Variants in FAM184A observed in about 807,000 individuals in gnomAD.
FAM184A encodes the protein family with sequence similarity 184 member A, also known as protein FAM184A.
In FAM184A, 99 loss-of-function variants were observed where a neutral mutation model predicts 143.8. The observed-to-expected ratio is 0.69, with a 90% CI of 0.58 to 0.81. The LOEUF (loss-of-function observed/expected upper bound fraction) is 0.81. FAM184A is among the 40% of genes least tolerant of loss of function. The pLI is 0.00. For synonymous variants in FAM184A, 427 were observed against 446.4 expected (o/e 0.96, Z 0.55); for missense variants, 1,217 against 1,310.5 (o/e 0.93, Z 1.10).
At chr6:118,977,834 C>A (rs192588533) in intron 11 of FAM184A, among the ~76,000 whole-genome samples, 32 of 152,288 alleles carry the variant, frequency 2.1e-4, no homozygotes, top group African/African-American at 7.7e-4. Context: ...GATGTTACCA[C>A]TGGAGGAACT....
chr6:119,017,611 CG>C (rs1785306197), intron 4 of FAM184A, among the ~76,000 whole-genome samples: 1 of 151,996 alleles, frequency 6.6e-6, no homozygotes, highest in African/African-American at 2.4e-5. Context: ...ATGCCAATTA[CG>C]TACCTTTTGG....
intron 4 of FAM184A, 105 bp downstream of exon 4, chr6:119,019,873 T>C (rs926411177): frequency 1.2e-4 from 120 of 1,005,416 alleles, no homozygotes; most frequent in Non-Finnish European, 1.7e-4. Flanking sequence ...AAGTAGGAAA[T>C]GTATTGTTAC....
chr6:119,142,139 T>C (rs139204083), intron 1 of FAM184A, among the ~76,000 whole-genome samples: 1 of 152,310 alleles, frequency 6.6e-6, no homozygotes, highest in Non-Finnish European at 1.5e-5. Context: ...ATCTATTTTG[T>C]ATGCCCCAGC....
intron 9 of FAM184A, among the ~76,000 whole-genome samples, chr6:118,995,262 C>A (rs1170821532): frequency 6.6e-6 from 1 of 151,826 alleles, no homozygotes; most frequent in Non-Finnish European, 1.5e-5. Context: ...ACAAAAAATG[C>A]AAAAATTAAC....
intron 1 of FAM184A, among the ~76,000 whole-genome samples, chr6:119,125,402 A>T (rs1378572954): frequency 1.3e-5 from 2 of 152,132 alleles, no homozygotes; most frequent in Admixed American, 6.5e-5. Context: ...CAGCCTCCCG[A>T]GTAGCTGGGA....
rs1180497708 is a variant in FAM184A, at chr6:119,024,178, A to C, written c.795T>G (p.Thr265=). The part of the protein sequence containing the change: ...AQSFYERELD[T]LKRSQLFTAE... The stretch of plus-strand genomic sequence containing the variant: ...CTGTAAAAAGCTGTGACCTTTTCAA[A>C]GTATCAAGCTCACGTTCATAAAAGG... Residue 265 remains threonine (T), a synonymous_variant, in exon 2 of 18, where the codon ACT becomes ACG. Transcript: ENST00000338891. The C allele has an allele frequency of 1.2e-6, 2 of 1,614,224 alleles. No homozygotes were observed. Among genetic ancestry groups the C allele is most frequent in the Non-Finnish European group, 1.7e-6 (2 of 1,180,042 alleles).
intron 6 of FAM184A, among the ~76,000 whole-genome samples, chr6:119,009,214 T>C (rs1785018765): frequency 6.6e-6 from 1 of 152,164 alleles, no homozygotes; most frequent in African/African-American, 2.4e-5. Flanking sequence ...ATAAATATTA[T>C]TATAGTTGCT....
chr6:118,984,179 T>TATTTA (rs1562461117), intron 9 of FAM184A, among the ~76,000 whole-genome samples: 1 of 134,458 alleles, frequency 7.4e-6, no homozygotes, highest in African/African-American at 2.8e-5. Context: ...ATATATATAT[T>TATTTA]TATATATATA....
chr6:118,967,226 G>T (rs568970389), intron 14 of FAM184A, among the ~76,000 whole-genome samples: 1 of 152,258 alleles, frequency 6.6e-6, no homozygotes, highest in African/African-American at 2.4e-5. Context: ...TGGAGAAAAG[G>T]TGAGCAGTAT....
chr6:119,077,887 CTGGTTTAGCCCCAA>C (rs1787928795), intron 1 of FAM184A, among the ~76,000 whole-genome samples: 1 of 152,250 alleles, frequency 6.6e-6, no homozygotes, highest in Non-Finnish European at 1.5e-5. Context: ...TTGTTCTGTG[CTGGTTTAGCCCCAA>C]AGGGCAAGGA....
At chr6:119,006,215 G>A (rs756298225) in intron 7 of FAM184A, 1 of 763,050 alleles carries the variant, frequency 1.3e-6, no homozygotes, top group South Asian at 1.3e-5. Context: ...TAGAGTTTAG[G>A]AAGGAACATA....
Position 118,970,757 on chromosome 6 carries a change from A to G in FAM184A, c.2915+3671T>C, listed in dbSNP as rs1783671394. Among the ~76,000 whole-genome samples, 5 of 152,326 alleles carry G rather than the reference A, an allele frequency of 3.3e-5. No homozygotes were observed. In the South Asian group the frequency reaches 1.0e-3, roughly 32 times the overall value. On this transcript the variant is annotated intron_variant, in intron 14 of 17. Transcript: ENST00000338891. The stretch of plus-strand genomic sequence containing the variant: ...AAGGGGGAAAAAAGGAGAAAGGAGA[A>G]GTAGAACATATAAAATTACTAATTA...
In FAM184A at chr6:119,078,450, G is replaced by GGGGGT; in HGVS notation, c.-152_-151insACCCC. ...CTCGGCCGCAGGCGCCGTCCCACCC[G>GGGGGT]CGACCCCCGGGTCACCCCTGGAAGG... On this transcript the variant is annotated 5_prime_UTR_variant, in exon 1 of 18. Transcript: ENST00000338891. The surrounding 1 kb of genome is among the most constrained non-coding windows in gnomAD (Gnocchi z 5.5). 1 of 753,806 alleles carries GGGGGT rather than the reference G, an allele frequency of 1.3e-6. No homozygotes were observed. The highest frequency in any genetic ancestry group is 1.9e-6 in the Non-Finnish European group (1 of 517,900). The allele number at this position is 753,806 out of a possible 1,614,324, so 46.7% of individuals were successfully genotyped here.
At chr6:119,007,272 A>G (rs1784951269) in intron 6 of FAM184A, among the ~76,000 whole-genome samples, 1 of 152,208 alleles carries the variant, frequency 6.6e-6, no homozygotes, top group Admixed American at 6.5e-5. Context: ...TAAAAACCGC[A>G]TTCTTATAAA....
chr6:119,062,672 T>TA (rs1245857135), intron 1 of FAM184A, among the ~76,000 whole-genome samples: 11 of 151,466 alleles, frequency 7.3e-5, no homozygotes, highest in Middle Eastern at 3.4e-3. Context: ...AAATAAAAAA[T>TA]AAAAAAAAGA....
intron 1 of FAM184A, among the ~76,000 whole-genome samples, chr6:119,138,593 CTTATTATTATTATTA>C (rs141615745): frequency 0.013 from 1,906 of 148,120 alleles, 23 homozygotes; most frequent in Middle Eastern, 0.028. Flanking sequence ...CGCTCTTTCA[CTTATTATTATTATTA>C]TTATTATTAT....
At chr6:119,041,713 C>T (rs1786340767) in intron 1 of FAM184A, among the ~76,000 whole-genome samples, 2 of 152,158 alleles carry the variant, frequency 1.3e-5, no homozygotes, top group South Asian at 2.1e-4. Flanking sequence ...TCCACCCCTC[C>T]GGATCCGGCA....
chr6:119,104,271 T>C (rs9489591), intron 1 of FAM184A, among the ~76,000 whole-genome samples: 38,039 of 152,176 alleles, frequency 0.25, 5,103 homozygotes, highest in Non-Finnish European at 0.29. Flanking sequence ...CCTCCCAAAG[T>C]ACTGGAATTA....
upstream of FAM184A, among the ~76,000 whole-genome samples, chr6:119,083,650 G>A (rs534424706): frequency 3.5e-4 from 53 of 152,250 alleles, no homozygotes; most frequent in Admixed American, 3.2e-3. Context: ...TAGCAAGAGC[G>A]ACCTTTACTC....
Sources: gnomAD v4.1 joint callset for allele counts (sites outside exome capture counted in the v4.1 genomes callset) on GRCh38, gnomAD v4.1.1 for gene constraint, Gnocchi (gnomAD v3.1) non-coding constraint, MANE v1.5 for transcripts, NCBI Gene and HGNC (gene_info 2026-07-23, HGNC 2026-07-21) for gene names.